Variants in NTRK2 observed in about 807,000 individuals in gnomAD.
NTRK2 encodes the protein BDNF/NT-3 growth factors receptor.
NTRK2 carries 13 observed loss-of-function variants against 94.5 expected under a neutral mutation model. The observed-to-expected ratio is 0.14, with a 90% CI of 0.09 to 0.22. NTRK2 has a LOEUF of 0.22. Ranked by LOEUF, NTRK2 falls within the 10% of genes least tolerant of loss-of-function variation. The pLI, the probability that NTRK2 is intolerant of heterozygous loss-of-function variation, is 1.00. For missense variants in NTRK2, 639 were observed against 1,071.2 expected (o/e 0.60, Z 5.63); for synonymous variants, 372 against 407.4 (o/e 0.91, Z 1.05).
rs766251437 is a variant in NTRK2 at position 84,727,597 on chromosome 9, G to A, written c.854-57G>A. ...TCCCTATCAATGACACAGACATCTC[G>A]AGATGGGGAGAATTCTGAGCTTTCT... On this transcript the variant is annotated intron_variant, in intron 8 of 18. Transcript: ENST00000277120. The A allele has an allele frequency of 4.5e-6, 7 of 1,538,592 alleles. No homozygotes were observed. The East Asian group carries it at 6.8e-5, about 15-fold the overall frequency.
chr9:85,022,578 G>C lies in NTRK2; in HGVS notation c.*1141G>C. On this transcript the variant is annotated 3_prime_UTR_variant, in exon 19 of 19. Coordinates refer to ENST00000277120, the MANE Select transcript of NTRK2 (RefSeq NM_006180.6). ...AACTTTTCAGATCTCACTTCCCTCC[G>C]ACCCCTAACTTCCATGCCCACCCGT... is the stretch of plus-strand genomic sequence containing the variant. 1 of 233,126 alleles carries C rather than the reference G, an allele frequency of 4.3e-6. No homozygotes were observed. The highest frequency in any genetic ancestry group is 8.5e-6 in the Non-Finnish European group (1 of 118,010). 14.4% of individuals were successfully genotyped at this position (233,126 alleles called of 1,614,324 possible).
chr9:84,884,985 T>C (rs1027369111), intron 14 of NTRK2, among the ~76,000 whole-genome samples: 22 of 152,164 alleles, frequency 1.4e-4, no homozygotes, highest in Non-Finnish European at 2.9e-4. Context: ...GTAGAACATG[T>C]AAAATATGTA....
At chr9:84,894,214 A>G (rs989773596) in intron 14 of NTRK2, among the ~76,000 whole-genome samples, 1 of 109,180 alleles carries the variant, frequency 9.2e-6, no homozygotes, top group South Asian at 3.4e-4. Context: ...GCACACCCAC[A>G]TTAAGAAGCT....
At chr9:84,926,252 G>C (rs947026449) in intron 14 of NTRK2, among the ~76,000 whole-genome samples, 16 of 139,986 alleles carry the variant, frequency 1.1e-4, no homozygotes, top group Non-Finnish European at 1.8e-4. Flanking sequence ...TTCTTTTTGA[G>C]ATGGAGTTTC....
chr9:84,810,143 G>C (rs1359849876), intron 12 of NTRK2, among the ~76,000 whole-genome samples: 1 of 152,158 alleles, frequency 6.6e-6, no homozygotes, highest in Non-Finnish European at 1.5e-5. Flanking sequence ...GCCATTGAAA[G>C]TAGTGGCATT....
intron 17 of NTRK2, among the ~76,000 whole-genome samples, chr9:84,966,373 C>T (rs565286810): frequency 3.9e-5 from 6 of 152,146 alleles, no homozygotes; most frequent in East Asian, 3.9e-4. Context: ...AATTTATATT[C>T]TTCACAAGCT....
intron 17 of NTRK2, among the ~76,000 whole-genome samples, chr9:84,992,857 C>T (rs1168762208): frequency 2.0e-5 from 3 of 151,722 alleles, no homozygotes; most frequent in East Asian, 1.9e-4. Flanking sequence ...TGTGGACTCT[C>T]CTGGCAACTA....
At chr9:84,714,950 T>C (rs1458306402) in intron 6 of NTRK2, among the ~76,000 whole-genome samples, 1 of 152,234 alleles carries the variant, frequency 6.6e-6, no homozygotes, top group East Asian at 1.9e-4. Flanking sequence ...TTGGTACTAT[T>C]TTTATTTCAA....
At chr9:84,714,674 C>T (rs182750158) in intron 6 of NTRK2, among the ~76,000 whole-genome samples, 36 of 152,230 alleles carry the variant, frequency 2.4e-4, no homozygotes, top group East Asian at 7.7e-4. Flanking sequence ...GATAATAATA[C>T]GCCAATATCT....
At chr9:84,932,616 A>G (rs2078076999) in intron 14 of NTRK2, among the ~76,000 whole-genome samples, 1 of 152,262 alleles carries the variant, frequency 6.6e-6, no homozygotes, top group African/African-American at 2.4e-5. Flanking sequence ...CCGCAGTACT[A>G]AATCTCTACT....
At chr9:84,742,315 T>C (rs758413159) in intron 10 of NTRK2, among the ~76,000 whole-genome samples, 76 of 152,290 alleles carry the variant, frequency 5.0e-4, no homozygotes, top group Admixed American at 4.6e-4. Flanking sequence ...AATGAAGGTG[T>C]TTGGCTCACA....
chr9:84,923,920 A>AAAAC (rs911650321), intron 14 of NTRK2, among the ~76,000 whole-genome samples: 53 of 152,046 alleles, frequency 3.5e-4, no homozygotes, highest in East Asian at 5.8e-4. Context: ...AAAAACAACA[A>AAAAC]AAACAAACAA....
At chr9:84,806,243 A>C (rs1200003093) in intron 12 of NTRK2, among the ~76,000 whole-genome samples, 21 of 152,232 alleles carry the variant, frequency 1.4e-4, no homozygotes, top group Admixed American at 1.4e-3. Flanking sequence ...AAGAAGGTCC[A>C]TGAGTGGAAG....
intron 17 of NTRK2, among the ~76,000 whole-genome samples, chr9:85,009,636 A>G (rs1458417352): frequency 6.6e-6 from 1 of 152,206 alleles, no homozygotes; most frequent in Non-Finnish European, 1.5e-5. Flanking sequence ...CACAAAGTAC[A>G]TGCTCAGTAA....
In NTRK2 at chr9:84,670,494, C is replaced by G; in HGVS notation, c.-255C>G. The G allele has an allele frequency of 1.9e-6, 1 of 535,962 alleles. No homozygotes were observed. Among genetic ancestry groups the G allele is most frequent in the Admixed American group, 3.2e-5 (1 of 31,012 alleles). 33.2% of individuals were successfully genotyped at this position (535,962 alleles called of 1,614,324 possible). A position where few individuals can be genotyped will look rare whatever the true frequency, so the allele number is the denominator to read the frequency against. On this transcript the variant is annotated 5_prime_UTR_variant, in exon 2 of 19. Coordinates refer to ENST00000277120, the MANE Select transcript of NTRK2 (RefSeq NM_006180.6). ...CCGGGCCATGCAGCGACGGCCGCCG[C>G]GGAGCTCCGAGCAGCGGTAGCGCCC...
chr9:84,841,124 T>G (rs2074158008), intron 12 of NTRK2, among the ~76,000 whole-genome samples: 2 of 152,214 alleles, frequency 1.3e-5, no homozygotes, highest in Admixed American at 6.5e-5. Flanking sequence ...AAACCTCAGA[T>G]GCATTTTGAA....
chr9:84,674,747 C>G (rs1448590128), intron 2 of NTRK2, among the ~76,000 whole-genome samples: 1 of 152,182 alleles, frequency 6.6e-6, no homozygotes, highest in African/African-American at 2.4e-5. Context: ...TAGGTATTTA[C>G]AGACATCAGC....
At chr9:84,692,921 G>T (rs2060138087) in intron 2 of NTRK2, among the ~76,000 whole-genome samples, 1 of 152,116 alleles carries the variant, frequency 6.6e-6, no homozygotes, top group Non-Finnish European at 1.5e-5. Context: ...ATTAAATCAG[G>T]TGTCATAAAA....
intron 6 of NTRK2, among the ~76,000 whole-genome samples, chr9:84,721,706 AAAG>A (rs764429604): frequency 5.3e-4 from 80 of 152,282 alleles, no homozygotes; most frequent in Admixed American, 1.0e-3. Flanking sequence ...AGCAATACCA[AAAG>A]AAGAAGTTAA....
Sources: allele counts gnomAD v4.1 joint callset (sites outside exome capture counted in the v4.1 genomes callset), GRCh38; gene constraint gnomAD v4.1.1; transcripts MANE v1.5; gene names NCBI Gene and HGNC (gene_info 2026-07-23, HGNC 2026-07-21).